The following ASNS variants were observed in gnomAD, a reference collection of about 807,000 sequenced individuals.
ASNS encodes the protein asparagine synthetase (glutamine-hydrolyzing).
ASNS carries 37 observed loss-of-function variants against 62.6 expected under a neutral mutation model. That is an observed-to-expected ratio of 0.59 (90% CI 0.45 to 0.78). The LOEUF (loss-of-function observed/expected upper bound fraction) is 0.78. Ranked by LOEUF, ASNS falls within the 30% of genes least tolerant of loss-of-function variation. ASNS has a pLI of 0.00. For synonymous variants in ASNS, 207 were observed against 237.9 expected (o/e 0.87, Z 1.19); for missense variants, 520 against 682.4 (o/e 0.76, Z 2.65).
At chr7:97,852,860 A>G (rs1268946103) in intron 12 of ASNS, among the ~76,000 whole-genome samples, 200 bp downstream of exon 12, 4 of 152,174 alleles carry the variant, frequency 2.6e-5, no homozygotes, top group Non-Finnish European at 5.9e-5. Flanking sequence ...CAAAAGAGAT[A>G]ATTGTTTACA....
chr7:97,889,578 C>A, the ASNS span, among the ~76,000 whole-genome samples: 1 of 151,894 alleles, frequency 6.6e-6, no homozygotes, highest in Non-Finnish European at 1.5e-5. Context: ...ACCACTCATG[C>A]CAATTACAGC....
At chr7:97,883,371 C>T in the ASNS span, among the ~76,000 whole-genome samples, 10 of 152,182 alleles carry the variant, frequency 6.6e-5, no homozygotes, top group East Asian at 1.4e-3. Context: ...GCTGGAGGGC[C>T]CACTTGGGTA....
chr7:97,891,795 A>T, the ASNS span, among the ~76,000 whole-genome samples: 67 of 151,946 alleles, frequency 4.4e-4, no homozygotes, highest in African/African-American at 1.4e-3. Flanking sequence ...CCACAGCTCC[A>T]CTCCTGTGGG....
chr7:97,897,983 G>A, the ASNS span, among the ~76,000 whole-genome samples: 137 of 152,336 alleles, frequency 9.0e-4, no homozygotes, highest in African/African-American at 3.1e-3. Flanking sequence ...GGAGTGCAGT[G>A]TCACAATCAT....
chr7:97,906,741 G>A, the ASNS span: 4 of 152,626 alleles, frequency 2.6e-5, no homozygotes, highest in Admixed American at 2.6e-4. Flanking sequence ...TTGATTTGTT[G>A]TAAGAGATGG....
At chr7:97,857,635 AAAC>A (rs1470398942) in intron 7 of ASNS, among the ~76,000 whole-genome samples, 58 of 150,712 alleles carry the variant, frequency 3.8e-4, no homozygotes, top group African/African-American at 1.4e-3. Context: ...AAAAAAAAAA[AAAC>A]GAACAAAAAA....
At chr7:97,901,119 G>A in the ASNS span, among the ~76,000 whole-genome samples, 1 of 152,170 alleles carries the variant, frequency 6.6e-6, no homozygotes, top group Admixed American at 6.5e-5. Flanking sequence ...GGATGAGGCC[G>A]ATCAAGGTGC....
At chr7:97,864,563 A>G in intron 3 of ASNS, 67 bp from the exon 4 acceptor site, 1 of 1,107,002 alleles carries the variant, frequency 9.0e-7, no homozygotes, top group South Asian at 1.3e-5. Context: ...TTTTTATTGC[A>G]AAGATGCTTC....
At chr7:97,893,533 G>C in the ASNS span, among the ~76,000 whole-genome samples, 1 of 152,154 alleles carries the variant, frequency 6.6e-6, no homozygotes, top group Admixed American at 6.5e-5. Context: ...GATGGAAAAA[G>C]ATATACCACA....
upstream of ASNS, among the ~76,000 whole-genome samples, chr7:97,876,413 A>G (rs546769895): frequency 2.4e-3 from 366 of 150,730 alleles, no homozygotes; most frequent in African/African-American, 8.3e-3. Context: ...TGGTTGACAC[A>G]TAAGGACTCA....
the ASNS span, among the ~76,000 whole-genome samples, chr7:97,904,582 T>C: frequency 1.3e-5 from 2 of 152,042 alleles, no homozygotes; most frequent in Non-Finnish European, 2.9e-5. Context: ...AATTAAATGC[T>C]CCAGGCTAGA....
At chr7:97,916,071 T>C in the ASNS span, among the ~76,000 whole-genome samples, 1 of 152,158 alleles carries the variant, frequency 6.6e-6, no homozygotes, top group Non-Finnish European at 1.5e-5. Context: ...CTTGAAGTCA[T>C]GATAAGTATC....
the ASNS span, among the ~76,000 whole-genome samples, chr7:97,896,620 A>G: frequency 7.6e-6 from 1 of 132,006 alleles, no homozygotes; most frequent in Non-Finnish European, 1.6e-5. Context: ...AAAAAACCAC[A>G]TATATATATG....
At chr7:97,877,991 A>T in the ASNS span, among the ~76,000 whole-genome samples, 1 of 152,286 alleles carries the variant, frequency 6.6e-6, no homozygotes, top group African/African-American at 2.4e-5. Flanking sequence ...TTCTCAAGGA[A>T]CAGCAGGCCT....
At chr7:97,856,284 G>A (rs1337974809) in intron 8 of ASNS, among the ~76,000 whole-genome samples, 1 of 152,156 alleles carries the variant, frequency 6.6e-6, no homozygotes, top group Admixed American at 6.5e-5. Flanking sequence ...AGCAATGATA[G>A]CTAGTGACTG....
the ASNS span, among the ~76,000 whole-genome samples, chr7:97,907,997 C>G: frequency 6.6e-6 from 1 of 152,020 alleles, no homozygotes; most frequent in Non-Finnish European, 1.5e-5. Context: ...AAATAAGCAA[C>G]TTGTGAATTG....
At chr7:97,919,435 T>G in the ASNS span, among the ~76,000 whole-genome samples, 11 of 152,262 alleles carry the variant, frequency 7.2e-5, 1 homozygote, top group South Asian at 1.2e-3. Flanking sequence ...GACCCTCTCA[T>G]CTGGTCCAAT....
chr7:97,881,154 C>G, the ASNS span, among the ~76,000 whole-genome samples: 1 of 152,174 alleles, frequency 6.6e-6, no homozygotes, highest in Non-Finnish European at 1.5e-5. Context: ...GCTGCCCAGG[C>G]AGGTCTCGAA....
At chr7:97,874,505 G>A (rs1228620329), upstream of ASNS, among the ~76,000 whole-genome samples, 1 of 152,246 alleles carries the variant, frequency 6.6e-6, no homozygotes, top group Non-Finnish European at 1.5e-5. Flanking sequence ...GAAGTGATAA[G>A]TTTAGTCCAT....
Sources: gnomAD v4.1 joint callset for allele counts (sites outside exome capture counted in the v4.1 genomes callset) on GRCh38, gnomAD v4.1.1 for gene constraint, MANE v1.5 for transcripts, NCBI Gene and HGNC (gene_info 2026-07-23, HGNC 2026-07-21) for gene names.